LSM3: variants seen among roughly 807,000 people sequenced by gnomAD.
The protein encoded by LSM3 is LSM3 homolog, U6 small nuclear RNA and mRNA degradation associated.
In LSM3, 14 loss-of-function variants were observed where a neutral mutation model predicts 15.4. The ratio of observed to expected loss-of-function variants is 0.91; its 90% CI spans 0.60 to 1.42. The LOEUF (loss-of-function observed/expected upper bound fraction) is 1.42, where lower values mean the gene tolerates loss of function less well. LSM3 is among the 40% of genes most tolerant of loss of function. The pLI, the probability that LSM3 is intolerant of heterozygous loss-of-function variation, is 0.00. For missense variants in LSM3, 88 were observed against 127.9 expected (o/e 0.69, Z 1.50); for synonymous variants, 46 against 45.1 (o/e 1.02, Z -0.08).
At chr3:14,183,840 G>A (rs1697061699) in intron 2 of LSM3, 97 bp from the exon 3 acceptor site, 1 of 775,948 alleles carries the variant, frequency 1.3e-6, no homozygotes, top group Non-Finnish European at 2.0e-6. Context: ...AGTATCAAAT[G>A]CCCTAGTTGT....
chr3:14,194,531 G>A (rs779500987), intron 3 of LSM3, among the ~76,000 whole-genome samples: 2 of 152,002 alleles, frequency 1.3e-5, no homozygotes, highest in Non-Finnish European at 2.9e-5. Context: ...TGCGTCTACT[G>A]CCCATCATAA....
chr3:14,187,206 A>G (rs1021178749), intron 3 of LSM3, among the ~76,000 whole-genome samples: 3 of 152,178 alleles, frequency 2.0e-5, no homozygotes, highest in Admixed American at 6.5e-5. Flanking sequence ...GTCTGTGCAC[A>G]TGTGCATTTC....
In LSM3 at chr3:14,179,678, G is replaced by A. The variant is rs36208722; in HGVS notation, c.21+797G>A. ...AGAATGTAAATGCCATAAGAGCAGG[G>A]ATTTTGTTTTGTTCATTCTTTTGTC... On this transcript the variant is annotated intron_variant, in intron 1 of 3. Coordinates refer to ENST00000306024, the MANE Select transcript of LSM3 (RefSeq NM_014463.3). Among the ~76,000 whole-genome samples, 304 of 152,308 alleles carry A rather than the reference G, an allele frequency of 2.0e-3. 7 individuals are homozygous for A. The East Asian group carries it at 0.053, about 27-fold the overall frequency.
intron 3 of LSM3, among the ~76,000 whole-genome samples, chr3:14,189,975 AAAGGTGTAAGG>A (rs1479268300): frequency 2.0e-5 from 3 of 152,132 alleles, no homozygotes; most frequent in Non-Finnish European, 4.4e-5. Context: ...GATTTTTGTA[AAAGGTGTAAGG>A]AAGGGATCCA....
At chr3:14,196,252 G>A (rs959477743) in intron 3 of LSM3, among the ~76,000 whole-genome samples, 1 of 152,110 alleles carries the variant, frequency 6.6e-6, no homozygotes. Flanking sequence ...CACCGTGCCT[G>A]GCCGAGTTTT....
Position 14,178,851 on chromosome 3 carries a change from G to A in LSM3, c.-10G>A, listed in dbSNP as rs1299916038. 1 of 1,614,222 alleles carries A rather than the reference G, an allele frequency of 6.2e-7. No homozygotes were observed. The stretch of plus-strand genomic sequence containing the variant: ...TCGCGAGAGGCGGGAAAGGGCGCAG[G>A]GTTTGAAACATGGCGGACGACGTAG... On this transcript the variant is annotated 5_prime_UTR_variant, in exon 1 of 4. Transcript: ENST00000306024.
intron 3 of LSM3, among the ~76,000 whole-genome samples, chr3:14,193,147 C>A (rs1285976515): frequency 2.0e-5 from 3 of 152,208 alleles, no homozygotes; most frequent in Non-Finnish European, 4.4e-5. Flanking sequence ...GAGAGATCTG[C>A]TGTTACTCTG....
chr3:14,183,945 T>C lies in LSM3; in HGVS notation c.141T>C (p.Asp47=), dbSNP rs1415188951. 11 of 1,602,332 alleles carry C rather than the reference T, an allele frequency of 6.9e-6. No homozygotes were observed. Among genetic ancestry groups the C allele is most frequent in the Non-Finnish European group, 6.8e-6 (8 of 1,176,160 alleles). ...GTACCCTCCCACTTTAGGCTTATGA[T>C]CAACATTTAAATATGATCTTGGGAG... is the stretch of plus-strand genomic sequence containing the variant. The part of the protein sequence containing the change: ...RELRGRLHAY[D]QHLNMILGDV... Residue 47 remains aspartate (D), a synonymous_variant, in exon 3 of 4, where the codon GAT becomes GAC. Coordinates refer to ENST00000306024, the MANE Select transcript of LSM3 (RefSeq NM_014463.3).
intron 3 of LSM3, among the ~76,000 whole-genome samples, chr3:14,197,058 T>C (rs1697193382): frequency 6.6e-6 from 1 of 152,274 alleles, no homozygotes; most frequent in Non-Finnish European, 1.5e-5. Flanking sequence ...TAATCTGATC[T>C]TTGCCTCAGG....
rs547406194 is a variant in LSM3, at chr3:14,199,370, T to G, written c.*1254T>G. 1.3e-5 allele frequency: 2 copies of G among 152,346 alleles called. No individual in the cohort carries two copies. Among genetic ancestry groups the G allele is most frequent in the Admixed American group, 1.3e-4 (2 of 15,306 alleles). 9.4% of individuals were successfully genotyped at this position (152,346 alleles called of 1,614,324 possible). On this transcript the variant is annotated 3_prime_UTR_variant, in exon 4 of 4. Transcript: ENST00000306024. ...TAGAACCTGACATCCTCCGCTATGG[T>G]CATTCCATTTTGAAATGTAGAAAAT...
chr3:14,184,809 A>G (rs1489464074), intron 3 of LSM3, among the ~76,000 whole-genome samples: 2 of 151,826 alleles, frequency 1.3e-5, no homozygotes, highest in East Asian at 3.9e-4. Context: ...TAATCCTAGC[A>G]CTTTGGGAGG....
chr3:14,194,751 C>CTCTG lies in LSM3; in HGVS notation c.229-3284_229-3281dup, dbSNP rs139515661. On this transcript the variant is annotated intron_variant, in intron 3 of 3. Coordinates refer to ENST00000306024, the MANE Select transcript of LSM3 (RefSeq NM_014463.3). ...CATTACTAGAAAATTTAATACTTTT[C>CTCTG]TCTGATATTGAGTTTATAGCATCCT... Among the ~76,000 whole-genome samples, 2,891 of 132,776 alleles carry CTCTG rather than the reference C, an allele frequency of 0.022. 170 individuals are homozygous for CTCTG. The East Asian group carries it at 0.22, about 10-fold the overall frequency. 87.1% of individuals were successfully genotyped at this position (132,776 alleles called of 152,430 possible).
intron 3 of LSM3, among the ~76,000 whole-genome samples, chr3:14,192,159 T>C (rs1000720435): frequency 1.3e-5 from 2 of 152,354 alleles, no homozygotes; most frequent in Non-Finnish European, 2.9e-5. Context: ...TTTGTTATGA[T>C]TTCTGTTCTT....
At chr3:14,178,985 C>T in intron 1 of LSM3, 104 bp downstream of exon 1, 1 of 1,276,956 alleles carries the variant, frequency 7.8e-7, no homozygotes, top group Admixed American at 1.7e-5. Flanking sequence ...TCCAAGTCAC[C>T]ATGGCCTAAT....
chr3:14,197,190 C>T (rs559665888), intron 3 of LSM3, among the ~76,000 whole-genome samples: 3 of 152,196 alleles, frequency 2.0e-5, no homozygotes, highest in Admixed American at 2.0e-4. Context: ...AATCCTGTTT[C>T]TTTTCATCTC....
chr3:14,179,836 G>C (rs1009022161), intron 1 of LSM3, among the ~76,000 whole-genome samples: 3 of 152,228 alleles, frequency 2.0e-5, no homozygotes, highest in African/African-American at 7.2e-5. Flanking sequence ...GGGCATCCCA[G>C]ACAGAGGCTT....
rs765218746 is a variant in LSM3, at chr3:14,198,109, T to C, written c.302T>C (p.Val101Ala). The C allele has an allele frequency of 2.5e-6, 4 of 1,612,814 alleles. No homozygotes were observed. Among genetic ancestry groups the C allele is most frequent in the Non-Finnish European group, 3.4e-6 (4 of 1,179,504 alleles). ...GVVLVAPPLR[V>A]G ...GTCCTGGTTGCCCCTCCACTGAGAG[T>C]TGGCTGAAACAAAGAATTTGTCCTG... is the stretch of plus-strand genomic sequence containing the variant. Residue 101 changes from valine (V) to alanine (A), a missense_variant, in exon 4 of 4, where the codon GTT (valine) becomes GCT (alanine). Physicochemically the swap from Val to Ala is moderately conservative, Grantham distance 64. Coordinates refer to ENST00000306024, the MANE Select transcript of LSM3 (RefSeq NM_014463.3).
chr3:14,199,723 T>G lies in LSM3; in HGVS notation c.*1607T>G, dbSNP rs1002785986. 1.3e-5 allele frequency: 2 copies of G among 152,204 alleles called. No individual in the cohort carries two copies. Among genetic ancestry groups the G allele is most frequent in the Non-Finnish European group, 2.9e-5 (2 of 68,066 alleles). The allele number at this position is 152,204 out of a possible 1,614,324, so 9.4% of individuals were successfully genotyped here. ...GAGATAACCTGTTTACAGCAGCCCA[T>G]TCAGTATTGAAAAATGAACTCCCTC... On this transcript the variant is annotated 3_prime_UTR_variant, in exon 4 of 4. Coordinates refer to ENST00000306024, the MANE Select transcript of LSM3 (RefSeq NM_014463.3).
chr3:14,189,456 C>T (rs1697119221), intron 3 of LSM3, among the ~76,000 whole-genome samples: 1 of 152,238 alleles, frequency 6.6e-6, no homozygotes, highest in Non-Finnish European at 1.5e-5. Flanking sequence ...ACAACCTCTC[C>T]AGCATCTGTT....
Sources: gnomAD v4.1 joint callset for allele counts (sites outside exome capture counted in the v4.1 genomes callset) on GRCh38, gnomAD v4.1.1 for gene constraint, MANE v1.5 for transcripts, NCBI Gene and HGNC (gene_info 2026-07-23, HGNC 2026-07-21) for gene names.